INPP5B: variants seen among roughly 807,000 people sequenced by gnomAD.
The protein encoded by INPP5B is type II inositol 1,4,5-trisphosphate 5-phosphatase.
A neutral mutation model predicts 118.5 loss-of-function variants in INPP5B; 90 were observed. The observed-to-expected ratio is 0.76, with a 90% CI of 0.64 to 0.90. The LOEUF is 0.90. Ranked by LOEUF, INPP5B falls within the 40% of genes least tolerant of loss-of-function variation. The pLI is 0.00. For synonymous variants in INPP5B, 385 were observed against 418.9 expected (o/e 0.92, Z 0.99); for missense variants, 984 against 1,125.6 (o/e 0.87, Z 1.80).
chr1:37,872,179 C>G (rs1169070324), intron 19 of INPP5B, among the ~76,000 whole-genome samples: 1 of 151,008 alleles, frequency 6.6e-6, no homozygotes, highest in Non-Finnish European at 1.5e-5. Context: ...CCTGTCTGAC[C>G]AACGTGGAGA....
intron 16 of INPP5B, 79 bp downstream of exon 16, chr1:37,878,109 C>T: frequency 6.6e-7 from 1 of 1,516,186 alleles, no homozygotes; most frequent in Admixed American, 1.9e-5. Context: ...AGGAAGAAAC[C>T]AGAAAGACAA....
chr1:37,941,877 G>T (rs1160340316), intron 5 of INPP5B, among the ~76,000 whole-genome samples: 1 of 118,714 alleles, frequency 8.4e-6, no homozygotes, highest in Admixed American at 8.8e-5. Flanking sequence ...GGCGGAGCTT[G>T]CAGTGAGCCG....
chr1:37,913,399 G>A (rs1644766318), intron 7 of INPP5B, among the ~76,000 whole-genome samples: 3 of 151,806 alleles, frequency 2.0e-5, no homozygotes, highest in Admixed American at 6.6e-5. Context: ...AAATAATTAC[G>A]CTGAACCCCC....
chr1:37,910,335 C>T (rs1055644955), intron 7 of INPP5B, among the ~76,000 whole-genome samples: 1 of 152,182 alleles, frequency 6.6e-6, no homozygotes, highest in African/African-American at 2.4e-5. Flanking sequence ...AACTCCCCAA[C>T]TCTGGTGCCA....
rs997586092 is a variant in INPP5B at position 37,871,641 on chromosome 1, G to A, written c.2187+1289C>T. Reference sequence around the variant, plus strand: ...AAATTGGCTGGGTGCAGTGGCTCACGCCTGTAATCCTAGCACTTTGGGAGG... The same window carrying A: ...AAATTGGCTGGGTGCAGTGGCTCACACCTGTAATCCTAGCACTTTGGGAGG... On this transcript the variant is annotated intron_variant, in intron 19 of 23. Coordinates refer to ENST00000373024, the MANE Select transcript of INPP5B (RefSeq NM_005540.3). 3.3e-5 allele frequency among the ~76,000 whole-genome samples: 5 copies of A among 151,538 alleles called. No individual in the cohort carries two copies. The South Asian group carries it at 6.2e-4, about 19-fold the overall frequency.
intron 6 of INPP5B, among the ~76,000 whole-genome samples, chr1:37,935,795 G>A (rs752705689): frequency 2.6e-5 from 4 of 151,882 alleles, no homozygotes; most frequent in East Asian, 3.9e-4. Context: ...GGCCGGGCGC[G>A]GTGGCTCACG....
At chr1:37,929,517 T>C (rs1048594210) in intron 7 of INPP5B, 1 of 152,052 alleles carries the variant, frequency 6.6e-6, no homozygotes, top group African/African-American at 2.4e-5. Flanking sequence ...AATCTACTAC[T>C]CTGTTTCCCT....
chr1:37,864,448 G>T, intron 22 of INPP5B, 25 bp from the exon 23 acceptor site: 1 of 1,385,050 alleles, frequency 7.2e-7, no homozygotes, highest in Non-Finnish European at 1.0e-6. Context: ...ACCGGGATTT[G>T]TCTTTTGTTC....
At position 37,862,013 on chromosome 1, in the gene INPP5B, G is replaced by A. The variant is rs766036535; in HGVS notation, c.*302C>T. ...ATCGTGCCACCGCACTCCACCCTGC[G>A]CGACAGAGCAAAACTCCGTCTCAAA... On this transcript the variant is annotated 3_prime_UTR_variant, in exon 24 of 24. Coordinates refer to ENST00000373024, the MANE Select transcript of INPP5B (RefSeq NM_005540.3). The A allele has an allele frequency of 4.1e-6, 1 of 243,700 alleles. No homozygotes were observed. Among genetic ancestry groups the A allele is most frequent in the Non-Finnish European group, 8.1e-6 (1 of 123,974 alleles). 15.1% of individuals were successfully genotyped at this position (243,700 alleles called of 1,614,324 possible). A position where few individuals can be genotyped will look rare whatever the true frequency, so the allele number is the denominator to read the frequency against.
chr1:37,943,713 TC>T, intron 4 of INPP5B, 44 bp from the exon 5 acceptor site: 1 of 1,613,038 alleles, frequency 6.2e-7, no homozygotes, highest in South Asian at 1.1e-5. Context: ...TTGAGCTTAC[TC>T]CCCCTTGCCC....
At position 37,945,680 on chromosome 1, in the gene INPP5B, G is replaced by T. The variant is rs952210866; in HGVS notation, c.152+76C>A. 2.0e-5 allele frequency: 20 copies of T among 1,015,788 alleles called. No individual in the cohort carries two copies. In the African/African-American group the frequency reaches 2.9e-4, roughly 15 times the overall value. The allele number at this position is 1,015,788 out of a possible 1,614,324, so 62.9% of individuals were successfully genotyped here. The stretch of plus-strand genomic sequence containing the variant: ...ACTCAGACCCTGCCCTGGAGGGACA[G>T]TTGAAGTTCAGCTGGAGGGTGCAGT... On this transcript the variant is annotated intron_variant, in intron 3 of 23. Coordinates refer to ENST00000373024, the MANE Select transcript of INPP5B (RefSeq NM_005540.3).
intron 17 of INPP5B, among the ~76,000 whole-genome samples, chr1:37,875,192 T>C (rs1322535621): frequency 6.6e-6 from 1 of 152,210 alleles, no homozygotes; most frequent in African/African-American, 2.4e-5. Flanking sequence ...CCACAGTCCA[T>C]AGTGCTATAG....
intron 23 of INPP5B, among the ~76,000 whole-genome samples, chr1:37,863,953 T>A (rs1641869681): frequency 6.6e-6 from 1 of 151,732 alleles, no homozygotes; most frequent in Non-Finnish European, 1.5e-5. Flanking sequence ...TAGCTGGGAT[T>A]ACAGGCATGC....
At chr1:37,865,477 A>G (rs777199903) in intron 22 of INPP5B, among the ~76,000 whole-genome samples, 6 of 152,204 alleles carry the variant, frequency 3.9e-5, no homozygotes, top group Non-Finnish European at 8.8e-5. Context: ...GCTAAGTGCA[A>G]TGAGAATGGA....
chr1:37,941,958 A>AAAAAAAAAAAAAAATATATATATAT (rs1427344681), intron 5 of INPP5B: 1 of 30,380 alleles, frequency 3.3e-5, no homozygotes, highest in Non-Finnish European at 6.6e-5. Flanking sequence ...AAAAAAAAAA[A>AAAAAAAAAAAAAAATATATATATAT]ATATATATAT....
At chr1:37,888,719 T>C (rs1009787609) in intron 9 of INPP5B, among the ~76,000 whole-genome samples, 4 of 152,252 alleles carry the variant, frequency 2.6e-5, no homozygotes, top group African/African-American at 7.2e-5. Flanking sequence ...CAAAAGGCTA[T>C]TTCTTCACCA....
chr1:37,911,420 C>G (rs540668095), intron 7 of INPP5B, among the ~76,000 whole-genome samples: 53 of 152,286 alleles, frequency 3.5e-4, no homozygotes, highest in Admixed American at 7.2e-4. Flanking sequence ...CTGACATTCA[C>G]TCCATTTCCC....
intron 13 of INPP5B, chr1:37,883,990 A>G: frequency 5.8e-6 from 2 of 347,170 alleles, no homozygotes; most frequent in Non-Finnish European, 8.1e-6. Context: ...AAATGAGCAC[A>G]AGATGCTCTC....
At position 37,874,096 on chromosome 1, in the gene INPP5B, A is replaced by G. The variant is rs745901471; in HGVS notation, c.1848T>C (p.Asn616=). ...QLKVESFTIH[N]GQVPCHFEFI... is the part of the protein sequence containing the mutation. ...ATTCAAAATGACAGGGTACTTGTCC[A>G]TTATGAATTGTAAAGGATTCTACTT... The change falls in exon 18 of 24, where the codon AAT becomes AAC. Residue 616 remains asparagine, a synonymous_variant. Coordinates refer to ENST00000373024, the MANE Select transcript of INPP5B (RefSeq NM_005540.3). 4 of 1,604,310 alleles carry G rather than the reference A, an allele frequency of 2.5e-6. No homozygotes were observed. Among genetic ancestry groups the G allele is most frequent in the Non-Finnish European group, 3.4e-6 (4 of 1,172,736 alleles).
Sources: gnomAD v4.1 joint callset for allele counts (sites outside exome capture counted in the v4.1 genomes callset) on GRCh38, gnomAD v4.1.1 for gene constraint, MANE v1.5 for transcripts, NCBI Gene and HGNC (gene_info 2026-07-23, HGNC 2026-07-21) for gene names.